Variants in CD81 observed in about 807,000 individuals in gnomAD.
CD81 encodes CD81 molecule, also known as CD81 antigen.
In CD81, 10 loss-of-function variants were observed where a neutral mutation model predicts 30.1. That is an observed-to-expected ratio of 0.33 (90% CI 0.21 to 0.56). CD81 has a LOEUF of 0.56. Ranked by LOEUF, CD81 falls within the 20% of genes least tolerant of loss-of-function variation. CD81 has a pLI of 0.89. For synonymous variants in CD81, 147 were observed against 126.4 expected, an observed-to-expected ratio of 1.16 and a Z score of -1.10; for missense variants, 263 against 308.7, an observed-to-expected ratio of 0.85 and a Z score of 1.11.
intron 6 of CD81, chr11:2,396,334 A>C (rs1850001797): frequency 6.9e-6 from 4 of 577,698 alleles, no homozygotes. Context: ...GCCTCAGTGG[A>C]AGTCGTCATC....
intron 1 of CD81, chr11:2,386,545 T>C (rs1305476722): frequency 7.0e-6 from 5 of 716,966 alleles, no homozygotes; most frequent in Non-Finnish European, 1.3e-5. Context: ...CCACCATTGT[T>C]GTCACCTAGC....
chr11:2,381,906 A>G (rs150577815), intron 1 of CD81, among the ~76,000 whole-genome samples: 13 of 152,330 alleles, frequency 8.5e-5, no homozygotes, highest in African/African-American at 3.1e-4. Context: ...GGTACCTGGT[A>G]TGCTGGGCAG....
At chr11:2,396,016 C>A in intron 6 of CD81, 46 bp downstream of exon 6, 1 of 1,344,972 alleles carries the variant, frequency 7.4e-7, no homozygotes, top group Non-Finnish European at 1.1e-6. Context: ...GCATGTCCCG[C>A]CCCTGGGTGG....
Position 2,394,955 on chromosome 11 carries a change from C to CCA in CD81, c.280-15_280-14dup. The CCA allele has an allele frequency of 6.2e-7, 1 of 1,611,190 alleles. No homozygotes were observed. Among genetic ancestry groups the CCA allele is most frequent in the Non-Finnish European group, 8.5e-7 (1 of 1,178,968 alleles). On this transcript the variant is annotated splice_polypyrimidine_tract_variant and intron_variant, in intron 3 of 7. Coordinates refer to ENST00000263645, the MANE Select transcript of CD81 (RefSeq NM_004356.4). ...AGCCTGCCCTCTTTCCTCCCTCTGGCCACTGCCCGGCTCCAGTTCTTCACC... is the reference window on the plus strand; with the variant it reads ...AGCCTGCCCTCTTTCCTCCCTCTGGCCACACTGCCCGGCTCCAGTTCTTCACC...
At chr11:2,387,540 C>T (rs538446096) in intron 1 of CD81, among the ~76,000 whole-genome samples, 1 of 152,184 alleles carries the variant, frequency 6.6e-6, no homozygotes, top group Non-Finnish European at 1.5e-5. Flanking sequence ...CTGGGGCCAC[C>T]CCCCAGCCCC....
intron 1 of CD81, among the ~76,000 whole-genome samples, chr11:2,382,875 G>A (rs1849727168): frequency 6.6e-6 from 1 of 152,218 alleles, no homozygotes; most frequent in South Asian, 2.1e-4. Context: ...GACCCCAGGG[G>A]TTTCCGAGGG....
chr11:2,386,217 C>G (rs1849796055), intron 1 of CD81: 1 of 702,460 alleles, frequency 1.4e-6, no homozygotes, highest in Non-Finnish European at 2.7e-6. Flanking sequence ...AGGGTCTGTT[C>G]CTGTTTTTTG....
At chr11:2,389,085 A>T (rs1179027609) in intron 1 of CD81, among the ~76,000 whole-genome samples, 2 of 152,066 alleles carry the variant, frequency 1.3e-5, no homozygotes, top group African/African-American at 2.4e-5. Context: ...GGACCCTGGA[A>T]CTGACCAATT....
intron 3 of CD81, among the ~76,000 whole-genome samples, chr11:2,394,561 G>T (rs979492015): frequency 1.3e-5 from 2 of 152,172 alleles, no homozygotes; most frequent in African/African-American, 4.8e-5. Context: ...CGTGTCTCCA[G>T]TGGGGGAAAC....
chr11:2,390,229 C>T (rs111797057), intron 1 of CD81, 183 bp from the exon 2 acceptor site: 19 of 669,700 alleles, frequency 2.8e-5, no homozygotes, highest in African/African-American at 5.3e-5. Flanking sequence ...CCAAAGCACC[C>T]GCCCCATGCT....
intron 1 of CD81, among the ~76,000 whole-genome samples, chr11:2,382,170 G>A (rs1442447605): frequency 1.3e-5 from 2 of 152,218 alleles, no homozygotes; most frequent in South Asian, 2.1e-4. Context: ...TGCACTGGCC[G>A]CCAATGCCAT....
At chr11:2,395,301 C>G in intron 4 of CD81, 115 bp from the exon 5 acceptor site, 2 of 882,444 alleles carry the variant, frequency 2.3e-6, no homozygotes, top group Non-Finnish European at 3.7e-6. Flanking sequence ...GGTCTAGCCT[C>G]GAAGCCACCC....
At chr11:2,380,240 C>T (rs1849681553) in intron 1 of CD81, among the ~76,000 whole-genome samples, 1 of 152,120 alleles carries the variant, frequency 6.6e-6, no homozygotes, top group South Asian at 2.1e-4. Context: ...CAGTGCAGTC[C>T]TGTGGGCTCT....
chr11:2,386,430 C>A, intron 1 of CD81: 1 of 665,528 alleles, frequency 1.5e-6, no homozygotes, highest in Non-Finnish European at 2.8e-6. Flanking sequence ...CCTTTCCCAC[C>A]ACGGGGCTTG....
intron 1 of CD81, among the ~76,000 whole-genome samples, chr11:2,388,292 G>A (rs1849832300): frequency 6.6e-6 from 1 of 152,126 alleles, no homozygotes. Context: ...GGGGGAAGAG[G>A]TATAGAGCCC....
At chr11:2,384,846 G>A (rs1187869716) in intron 1 of CD81, among the ~76,000 whole-genome samples, 1 of 152,100 alleles carries the variant, frequency 6.6e-6, no homozygotes, top group Admixed American at 6.5e-5. Context: ...TTATTTCCTT[G>A]TTTGTAGACA....
chr11:2,388,851 G>A (rs1332104200), intron 1 of CD81, among the ~76,000 whole-genome samples: 6 of 152,152 alleles, frequency 3.9e-5, no homozygotes, highest in Non-Finnish European at 1.5e-5. Context: ...AAGAAGACTC[G>A]CCCAGGCCCA....
chr11:2,396,102 C>T, intron 6 of CD81, 132 bp downstream of exon 6: 1 of 493,320 alleles, frequency 2.0e-6, no homozygotes, highest in East Asian at 5.5e-5. Flanking sequence ...CCTGTCAGGG[C>T]TGCTCTGCTG....
At chr11:2,383,287 G>A (rs1849733020) in intron 1 of CD81, among the ~76,000 whole-genome samples, 1 of 152,076 alleles carries the variant, frequency 6.6e-6, no homozygotes, top group Non-Finnish European at 1.5e-5. Flanking sequence ...TCACCACCTA[G>A]GAGGGCCTGA....
Sources: allele counts gnomAD v4.1 joint callset (sites outside exome capture counted in the v4.1 genomes callset), GRCh38; gene constraint gnomAD v4.1.1; transcripts MANE v1.5; gene names NCBI Gene and HGNC (gene_info 2026-07-23, HGNC 2026-07-21).